USP2: variants seen among roughly 807,000 people sequenced by gnomAD.
USP2 encodes the protein ubiquitin carboxyl-terminal hydrolase 2.
In USP2, 33 loss-of-function variants were observed where a neutral mutation model predicts 72.0. That is an observed-to-expected ratio of 0.46 (90% CI 0.35 to 0.61). The LOEUF is 0.61. Ranked by LOEUF, USP2 falls within the 20% of genes least tolerant of loss-of-function variation. USP2 has a pLI of 0.01. For missense variants in USP2, 691 were observed against 797.8 expected (o/e 0.87, Z 1.61); for synonymous variants, 296 against 312.5 (o/e 0.95, Z 0.56).
chr11:119,372,410 A>G (rs983256635), intron 2 of USP2, among the ~76,000 whole-genome samples: 1 of 152,226 alleles, frequency 6.6e-6, no homozygotes, highest in Non-Finnish European at 1.5e-5. Context: ...GTCACATAGA[A>G]AAGGAGAAGG....
intron 1 of USP2, among the ~76,000 whole-genome samples, chr11:119,376,696 T>G (rs1422654931): frequency 6.6e-6 from 1 of 152,284 alleles, no homozygotes; most frequent in Non-Finnish European, 1.5e-5. Context: ...ACAGAGGCAC[T>G]GGGCTTCCTG....
Position 119,372,890 on chromosome 11 carries a change from G to A in USP2, c.591C>T (p.Asp197=). The change falls in exon 2 of 13, where the codon GAC becomes GAT. Residue 197 remains aspartate, a synonymous_variant. Coordinates refer to ENST00000260187, the MANE Select transcript of USP2 (RefSeq NM_004205.5). ...CCTTGCGACCATAGTTCTCCAGGTA[G>A]TCGACCAGGTATTCAGGGCAGCTGG... is the stretch of plus-strand genomic sequence containing the variant. The part of the protein sequence containing the change: ...QTASCPEYLV[D]YLENYGRKGS... The A allele has an allele frequency of 6.2e-7, 1 of 1,610,138 alleles. No individual in the cohort carries two copies. Among genetic ancestry groups the A allele is most frequent in the Non-Finnish European group, 8.5e-7 (1 of 1,178,532 alleles).
chr11:119,377,119 G>C lies in USP2; in HGVS notation c.-41-3598C>G, dbSNP rs1170713727. On this transcript the variant is annotated intron_variant, in intron 1 of 12. Coordinates refer to ENST00000260187, the MANE Select transcript of USP2 (RefSeq NM_004205.5). ...AAGCTTAAAACTGCACTAAGGCTTG[G>C]GACACAGTGCATTAACTCACTGAAT... 2.6e-5 allele frequency among the ~76,000 whole-genome samples: 4 copies of C among 152,184 alleles called. No homozygotes were observed. The South Asian group carries it at 8.3e-4, about 32-fold the overall frequency.
intron 2 of USP2, among the ~76,000 whole-genome samples, chr11:119,363,577 T>C (rs1950800091): frequency 6.6e-6 from 1 of 151,542 alleles, no homozygotes; most frequent in South Asian, 2.1e-4. Context: ...GTGCCAGGAA[T>C]TGAGAGGCCA....
At position 119,367,752 on chromosome 11, in the gene USP2, C is replaced by T. The variant is rs565945306; in HGVS notation, c.774+4955G>A. 2.5e-4 allele frequency among the ~76,000 whole-genome samples: 38 copies of T among 152,294 alleles called. No individual in the cohort carries two copies. The South Asian group carries it at 6.0e-3, about 24-fold the overall frequency. The stretch of plus-strand genomic sequence containing the variant: ...CACCTCCTTCTTTTGCATGTGTCTC[C>T]GTCTGGGGCGCTAGTTTTATGTACG... On this transcript the variant is annotated intron_variant, in intron 2 of 12. Transcript: ENST00000260187.
chr11:119,358,631 T>C, intron 7 of USP2, 142 bp downstream of exon 7: 2 of 1,047,218 alleles, frequency 1.9e-6, no homozygotes, highest in Non-Finnish European at 1.5e-6. Flanking sequence ...AGCATCTTCT[T>C]TCTTGCTGTT....
rs2241646 is a variant in USP2, at chr11:119,359,254, G to A, written c.1038C>T (p.Tyr346=). Residue 346 remains tyrosine (Y), a synonymous_variant, in exon 5 of 13, where the codon TAC becomes TAT. Transcript: ENST00000260187. Reference sequence around the variant, plus strand: ...ACTTATAGCCAACAAAGCGCGGTGCGTATCTCTGGATCTGGGTCTTGAACT... The same window carrying A: ...ACTTATAGCCAACAAAGCGCGGTGCATATCTCTGGATCTGGGTCTTGAACT... ...PSEFKTQIQR[Y]APRFVGYNQQ... 1,147,753 of 1,613,060 alleles carry A rather than the reference G, an allele frequency of 0.71. 410,768 individuals carry two copies. Among genetic ancestry groups the A allele is most frequent in the East Asian group, 0.85 (38,071 of 44,860 alleles).
intron 1 of USP2, among the ~76,000 whole-genome samples, chr11:119,377,163 C>T (rs1951012015): frequency 2.0e-5 from 3 of 152,204 alleles, no homozygotes; most frequent in South Asian, 4.1e-4. Flanking sequence ...CTCCTTTAAG[C>T]GGTAGGTGCT....
At chr11:119,359,980 C>A (rs1219998989) in intron 3 of USP2, among the ~76,000 whole-genome samples, 2 of 152,188 alleles carry the variant, frequency 1.3e-5, no homozygotes, top group African/African-American at 4.8e-5. Context: ...GGTAAAAGGG[C>A]AACTTCCTTT....
chr11:119,374,446 G>C (rs1410281862), intron 1 of USP2, among the ~76,000 whole-genome samples: 1 of 152,218 alleles, frequency 6.6e-6, no homozygotes, highest in Non-Finnish European at 1.5e-5. Context: ...TGCTGAATGT[G>C]GAGCTTTGAG....
chr11:119,365,893 G>GTT (rs1317666327), intron 2 of USP2, among the ~76,000 whole-genome samples: 4 of 131,266 alleles, frequency 3.0e-5, no homozygotes, highest in African/African-American at 1.1e-4. Flanking sequence ...TATTTTATTT[G>GTT]TTTTGTTTTT....
intron 2 of USP2, among the ~76,000 whole-genome samples, chr11:119,364,934 G>A (rs1025310308): frequency 1.3e-5 from 2 of 152,126 alleles, no homozygotes; most frequent in Admixed American, 1.3e-4. Flanking sequence ...CTTGTTTTGG[G>A]GAGCTGGGGA....
rs1950698412 is a variant in USP2 at position 119,358,045 on chromosome 11, A to AGT, written c.1357_1358insAC (p.Val453AspfsTer2). On this transcript the variant is annotated frameshift_variant, in exon 9 of 13. Coordinates refer to ENST00000260187, the MANE Select transcript of USP2 (RefSeq NM_004205.5). LOFTEE classifies it high-confidence loss of function. ...GAGCCTCATGCAGTCCATTAATGTC[A>AGT]CCTCAGGATAACCTCGCTGGGAAGG... 6.2e-7 allele frequency: 1 copy of AGT among 1,613,952 alleles called. No homozygotes were observed. The highest frequency in any genetic ancestry group is 1.3e-5 in the African/African-American group (1 of 74,896).
chr11:119,379,964 C>G (rs950736565), intron 1 of USP2, among the ~76,000 whole-genome samples: 4 of 142,592 alleles, frequency 2.8e-5, no homozygotes, highest in Admixed American at 1.5e-4. Flanking sequence ...GCCCAGGCTG[C>G]AGTGCAGTGG....
At position 119,358,822 on chromosome 11, in the gene USP2, G is replaced by T; in HGVS notation, c.1188C>A (p.Gly396=). The T allele has an allele frequency of 6.2e-7, 1 of 1,614,010 alleles. No homozygotes were observed. The highest frequency in any genetic ancestry group is 8.5e-7 in the Non-Finnish European group (1 of 1,180,042). ...CTAGATATTTTCTCCACATCTGTCG[G>T]CCTTTCTCGTCATCACTGGGAACCA... The part of the protein sequence containing the change: ...NLDHLPDDEK[G]RQMWRKYLER... The change falls in exon 7 of 13, where the codon GGC becomes GGA. Residue 396 remains glycine (G), a synonymous_variant. Coordinates refer to ENST00000260187, the MANE Select transcript of USP2 (RefSeq NM_004205.5).
intron 1 of USP2, chr11:119,376,338 C>T (rs556002679): frequency 1.7e-4 from 172 of 985,596 alleles, no homozygotes; most frequent in Non-Finnish European, 1.9e-4. Context: ...CACGTGGCTG[C>T]GAGTCTCCCT....
rs79402968 is a variant in USP2, at chr11:119,368,294, C to A, written c.774+4413G>T. ...ATCCCGGGGTGGGAGTAGGTAAGGA[C>A]AGACCCCAGGATCTCAGGCTGCCAA... On this transcript the variant is annotated intron_variant, in intron 2 of 12. Coordinates refer to ENST00000260187, the MANE Select transcript of USP2 (RefSeq NM_004205.5). 3.9e-5 allele frequency among the ~76,000 whole-genome samples: 6 copies of A among 152,324 alleles called. No homozygotes were observed. In the East Asian group the frequency reaches 1.2e-3, roughly 29 times the overall value.
In USP2 at chr11:119,360,211, C is replaced by G. The variant is rs775682173; in HGVS notation, c.798G>C (p.Leu266=). Residue 266 remains leucine (L), a synonymous_variant, in exon 3 of 13, where the codon CTG becomes CTC. Coordinates refer to ENST00000260187, the MANE Select transcript of USP2 (RefSeq NM_004205.5). ...DGMNSKSAQG[L]AGLRNLGNTC... ...TGTTCCCAAGGTTTCGAAGACCAGC[C>G]AGACCCTGGGCACTCTTAGAATTCT... The G allele has an allele frequency of 4.3e-6, 7 of 1,613,992 alleles. No individual in the cohort carries two copies. The South Asian group carries it at 7.7e-5, about 18-fold the overall frequency.
rs1175879477 is a variant in USP2, at chr11:119,372,688, T to TC, written c.774+18dup. The stretch of plus-strand genomic sequence containing the variant: ...GGCTGCCTCCCCAGCCTATCCCCGG[T>TC]CCCCAAGGGTAAACTCACCATGCCG... On this transcript the variant is annotated intron_variant, in intron 2 of 12. Coordinates refer to ENST00000260187, the MANE Select transcript of USP2 (RefSeq NM_004205.5). 6.6e-7 allele frequency: 1 copy of TC among 1,507,926 alleles called. No individual in the cohort carries two copies. Among genetic ancestry groups the TC allele is most frequent in the Admixed American group, 2.3e-5 (1 of 43,670 alleles). 93.4% of individuals were successfully genotyped at this position (1,507,926 alleles called of 1,614,324 possible). A position where few individuals can be genotyped will look rare whatever the true frequency, so the allele number is the denominator to read the frequency against.
Sources: gnomAD v4.1 joint callset for allele counts (sites outside exome capture counted in the v4.1 genomes callset) on GRCh38, gnomAD v4.1.1 for gene constraint, MANE v1.5 for transcripts, NCBI Gene and HGNC (gene_info 2026-07-23, HGNC 2026-07-21) for gene names.